The following MYO5A variants were observed in gnomAD, a reference collection of about 807,000 sequenced individuals.
The protein encoded by MYO5A is unconventional myosin-Va.
Under a neutral mutation model 249.7 loss-of-function variants are expected in MYO5A, and 98 were observed. The observed-to-expected ratio is 0.39, with a 90% CI of 0.33 to 0.46. MYO5A has a LOEUF of 0.46. Ranked by LOEUF, MYO5A falls within the 20% of genes least tolerant of loss-of-function variation. MYO5A has a pLI of 0.98. For missense variants in MYO5A, 1,696 were observed against 2,308.8 expected, an observed-to-expected ratio of 0.73 and a Z score of 5.44; for synonymous variants, 778 against 810.6, an observed-to-expected ratio of 0.96 and a Z score of 0.68.
At chr15:52,433,353 G>A in intron 1 of MYO5A, 68 bp from the exon 2 acceptor site, 3 of 767,128 alleles carry the variant, frequency 3.9e-6, no homozygotes, top group Non-Finnish European at 6.5e-6. Flanking sequence ...ATAAACATAT[G>A]ATAACTATTT....
intron 36 of MYO5A, 92 bp downstream of exon 36, chr15:52,327,760 C>CT (rs1478501809): frequency 1.5e-6 from 2 of 1,323,698 alleles, no homozygotes; most frequent in Non-Finnish European, 2.2e-6. Flanking sequence ...TAACAAGCAA[C>CT]TTAGCTAAAC....
intron 9 of MYO5A, among the ~76,000 whole-genome samples, chr15:52,402,435 T>C (rs2042802705): frequency 6.6e-6 from 1 of 152,144 alleles, no homozygotes; most frequent in Non-Finnish European, 1.5e-5. Context: ...TCCTGTGTCT[T>C]TGCCTTCTGT....
chr15:52,316,896 C>G, intron 40 of MYO5A, 152 bp downstream of exon 40: 1 of 777,716 alleles, frequency 1.3e-6, no homozygotes, highest in South Asian at 1.7e-5. Context: ...GGCAAAATCT[C>G]CTTGCTTTAA....
intron 1 of MYO5A, among the ~76,000 whole-genome samples, chr15:52,491,044 C>T (rs756292705): frequency 1.3e-4 from 20 of 152,226 alleles, no homozygotes; most frequent in Non-Finnish European, 2.4e-4. Flanking sequence ...TATGAATGTA[C>T]TTAACATTAC....
intron 34 of MYO5A, among the ~76,000 whole-genome samples, chr15:52,335,345 G>A (rs1297216260): frequency 2.6e-5 from 4 of 151,714 alleles, no homozygotes; most frequent in African/African-American, 9.7e-5. Context: ...GTGAAACCCC[G>A]TCTCTACTAA....
chr15:52,509,125 C>A (rs572479800), intron 1 of MYO5A, among the ~76,000 whole-genome samples: 1 of 152,186 alleles, frequency 6.6e-6, no homozygotes, highest in Admixed American at 6.5e-5. Context: ...GCATGTGCCA[C>A]CACACCCAGC....
chr15:52,404,827 G>A (rs566947903), intron 9 of MYO5A, among the ~76,000 whole-genome samples: 1 of 152,268 alleles, frequency 6.6e-6, no homozygotes, highest in East Asian at 1.9e-4. Context: ...AAGCTCAATA[G>A]GAAGTCAGGG....
intron 1 of MYO5A, among the ~76,000 whole-genome samples, chr15:52,469,366 G>T (rs910004566): frequency 1.3e-5 from 2 of 152,126 alleles, no homozygotes; most frequent in African/African-American, 4.8e-5. Context: ...AAGTAAGCTA[G>T]AGAAAAGAAA....
chr15:52,351,931 T>C (rs1351978894), intron 27 of MYO5A, among the ~76,000 whole-genome samples: 2 of 152,236 alleles, frequency 1.3e-5, no homozygotes, highest in Non-Finnish European at 2.9e-5. Flanking sequence ...TTACTTCCTT[T>C]ATAAAGCAGA....
At chr15:52,503,925 T>A (rs760824704) in intron 1 of MYO5A, among the ~76,000 whole-genome samples, 1 of 152,168 alleles carries the variant, frequency 6.6e-6, no homozygotes, top group Non-Finnish European at 1.5e-5. Context: ...ATGATCGACA[T>A]TGCTTTACCA....
At chr15:52,315,294 T>C (rs376041962) in intron 40 of MYO5A, among the ~76,000 whole-genome samples, 1 of 152,216 alleles carries the variant, frequency 6.6e-6, no homozygotes, top group East Asian at 1.9e-4. Context: ...CTCAGGACCA[T>C]TGTTCTGTCA....
At position 52,416,441 on chromosome 15, in the gene MYO5A, C is replaced by T. The variant is rs562135430; in HGVS notation, c.456-140G>A. The T allele has an allele frequency of 6.2e-6, 5 of 810,622 alleles. No individual in the cohort carries two copies. In the South Asian group the frequency reaches 7.8e-5, roughly 13 times the overall value. The allele number at this position is 810,622 out of a possible 1,614,324, so 50.2% of individuals were successfully genotyped here. A position where few individuals can be genotyped will look rare whatever the true frequency, so the allele number is the denominator to read the frequency against. On this transcript the variant is annotated intron_variant, in intron 4 of 41. Coordinates refer to ENST00000399233, the MANE Select transcript of MYO5A (RefSeq NM_001382347.1). ...ATACTGGTGCTTATAACACCAAGGTCTCAGGTTCAATCCCTATACTGGCCA... is the reference window on the plus strand; with the variant it reads ...ATACTGGTGCTTATAACACCAAGGTTTCAGGTTCAATCCCTATACTGGCCA...
chr15:52,375,092 CTA>C (rs2041337483), intron 20 of MYO5A, among the ~76,000 whole-genome samples: 1 of 152,088 alleles, frequency 6.6e-6, no homozygotes, highest in Non-Finnish European at 1.5e-5. Flanking sequence ...CTGCAGTGTA[CTA>C]TGACTGCACC....
chr15:52,493,873 T>C (rs1758881957), intron 1 of MYO5A, among the ~76,000 whole-genome samples: 1 of 152,156 alleles, frequency 6.6e-6, no homozygotes, highest in South Asian at 2.1e-4. Flanking sequence ...ATATTCTTTA[T>C]CTGAAACTAT....
intron 1 of MYO5A, among the ~76,000 whole-genome samples, chr15:52,475,551 T>G (rs903430066): frequency 2.0e-5 from 3 of 152,236 alleles, no homozygotes; most frequent in African/African-American, 7.2e-5. Context: ...CTCTACACAC[T>G]GCTTTGAATG....
rs747718802 is a variant in MYO5A at position 52,370,213 on chromosome 15, A to G, written c.3022T>C (p.Cys1008Arg). The G allele has an allele frequency of 6.2e-7, 1 of 1,613,966 alleles. No individual in the cohort carries two copies. Among genetic ancestry groups the G allele is most frequent in the Admixed American group, 1.7e-5 (1 of 60,008 alleles). Residue 1008 changes from cysteine to arginine, a missense_variant, in exon 22 of 42, where the codon TGC becomes CGC. Cys to Arg is a radical substitution (Grantham distance 180). This residue lies in a region of MYO5A where 412 missense variants were observed against 453.3 expected (regional missense o/e 0.91). Transcript: ENST00000399233. ...DLEQTRSEKK[C>R]IEEHADRYKQ... Reference sequence around the variant, plus strand: ...TATCGATCTGCATGTTCCTCAATGCATTTTTTCTCTGAACGAGTTTGCTCC... The same window carrying G: ...TATCGATCTGCATGTTCCTCAATGCGTTTTTTCTCTGAACGAGTTTGCTCC...
intron 24 of MYO5A, among the ~76,000 whole-genome samples, chr15:52,360,672 A>G (rs994539969): frequency 6.6e-6 from 1 of 152,122 alleles, no homozygotes; most frequent in Non-Finnish European, 1.5e-5. Flanking sequence ...TCCTCTGAAG[A>G]GCCCTCGGTT....
chr15:52,458,835 A>G (rs554055021), intron 1 of MYO5A, among the ~76,000 whole-genome samples: 1 of 152,214 alleles, frequency 6.6e-6, no homozygotes, highest in Admixed American at 6.5e-5. Flanking sequence ...AAAAGGTACC[A>G]TTTTCAACTG....
chr15:52,470,781 G>C (rs139578415), intron 1 of MYO5A, among the ~76,000 whole-genome samples: 5,111 of 152,222 alleles, frequency 0.034, 301 homozygotes, highest in African/African-American at 0.12. Context: ...CCAGCACTTT[G>C]GGAGGCCAAG....
Sources: allele counts gnomAD v4.1 joint callset (sites outside exome capture counted in the v4.1 genomes callset), GRCh38; gene constraint gnomAD v4.1.1; regional missense constraint gnomAD v4.1.1; transcripts MANE v1.5; gene names NCBI Gene and HGNC (gene_info 2026-07-23, HGNC 2026-07-21).